The following KLHL13 variants were observed in gnomAD, a reference collection of about 807,000 sequenced individuals.
KLHL13 encodes kelch like family member 13.
In KLHL13, 10 loss-of-function variants were observed where a neutral mutation model predicts 37.1. The observed-to-expected ratio is 0.27, with a 90% CI of 0.17 to 0.46. The LOEUF is 0.46. KLHL13 is among the 20% of genes least tolerant of loss of function. The pLI is 1.00. For synonymous variants in KLHL13, 163 were observed against 181.2 expected (o/e 0.90, Z 0.81); for missense variants, 360 against 509.3 (o/e 0.71, Z 2.82).
chrX:117,963,963 A>G lies in KLHL13; in HGVS notation c.98+8768T>C, dbSNP rs770057263. On this transcript the variant is annotated intron_variant, in intron 1 of 6. Coordinates refer to ENST00000262820, the Ensembl canonical transcript of KLHL13. ...AAGAACAAAAAACCAAACACCGCAT[A>G]TTCTCACTCATAGGTGGGAATTGAA... 3.3e-3 allele frequency among the ~76,000 whole-genome samples: 263 copies of G among 80,897 alleles called. 2 individuals carry two copies. The highest frequency in any genetic ancestry group is 0.011 in the African/African-American group (236 of 20,952). The allele number at this position is 80,897 out of a possible 115,157, so 70.2% of individuals were successfully genotyped here.
intron 2 of KLHL13, among the ~76,000 whole-genome samples, chrX:117,932,838 T>G (rs192328997): frequency 8.9e-6 from 1 of 111,859 alleles, no homozygotes; most frequent in East Asian, 2.8e-4. Flanking sequence ...CAACAGTATT[T>G]AAGAGTTCCC....
intron 1 of KLHL13, among the ~76,000 whole-genome samples, chrX:117,982,421 A>C (rs945314842): frequency 4.5e-5 from 5 of 111,372 alleles, no homozygotes; most frequent in Non-Finnish European, 9.4e-5. Flanking sequence ...GACATGCTTC[A>C]GATGTACATC....
intron 1 of KLHL13, among the ~76,000 whole-genome samples, chrX:118,058,550 A>T (rs1602691033): frequency 8.9e-6 from 1 of 112,088 alleles, no homozygotes; most frequent in East Asian, 2.8e-4. Flanking sequence ...TGGGTCAATA[A>T]CTATAGCTCA....
At chrX:118,007,649 T>C (rs1219765479) in intron 1 of KLHL13, among the ~76,000 whole-genome samples, 1 of 111,534 alleles carries the variant, frequency 9.0e-6, no homozygotes, top group Non-Finnish European at 1.9e-5. Flanking sequence ...CATATCTATA[T>C]CAGCTATGTC....
At chrX:117,997,835 C>T in intron 1 of KLHL13, among the ~76,000 whole-genome samples, 1 of 111,302 alleles carries the variant, frequency 9.0e-6, no homozygotes, top group Non-Finnish European at 1.9e-5. Context: ...TGTAAGTACC[C>T]CTGAAGGCAC....
intron 1 of KLHL13, chrX:117,985,366 C>G: frequency 9.5e-7 from 1 of 1,048,032 alleles, no homozygotes; most frequent in Non-Finnish European, 1.2e-6. Context: ...GGCTCTGCTA[C>G]ATAGTAGCGC....
chrX:118,095,168 T>C (rs1401386724), intron 1 of KLHL13, among the ~76,000 whole-genome samples: 42 of 110,749 alleles, frequency 3.8e-4, no homozygotes, highest in Non-Finnish European at 7.0e-4. Context: ...GAGACACACA[T>C]AGGCTCAAAA....
At chrX:118,087,592 A>G (rs748937699) in intron 1 of KLHL13, among the ~76,000 whole-genome samples, 10 of 111,464 alleles carry the variant, frequency 9.0e-5, no homozygotes, top group African/African-American at 9.8e-5. Flanking sequence ...GAGTCTGGAA[A>G]TAAGATTTCT....
At chrX:118,112,126 C>T (rs998543962) in intron 1 of KLHL13, among the ~76,000 whole-genome samples, 4 of 112,109 alleles carry the variant, frequency 3.6e-5, no homozygotes, top group African/African-American at 1.3e-4. Context: ...AACAAGTATG[C>T]TCTACAACCT....
intron 1 of KLHL13, among the ~76,000 whole-genome samples, chrX:117,993,657 G>A (rs993976487): frequency 9.0e-6 from 1 of 110,572 alleles, no homozygotes; most frequent in Non-Finnish European, 1.9e-5. Context: ...GAAGCCCAGA[G>A]GACTTCCAAG....
chrX:117,920,577 T>TA (rs1199241332), intron 2 of KLHL13, among the ~76,000 whole-genome samples: 30 of 112,330 alleles, frequency 2.7e-4, no homozygotes, highest in African/African-American at 9.0e-4. Context: ...AACACAAAAT[T>TA]AAGACTAATT....
chrX:117,987,329 T>C (rs2053739711), intron 1 of KLHL13, among the ~76,000 whole-genome samples: 1 of 111,553 alleles, frequency 9.0e-6, no homozygotes, highest in African/African-American at 3.3e-5. Context: ...TGGGTGAGTG[T>C]AGGTGCTTGG....
At position 117,989,630 on chromosome X, in the gene KLHL13, G is replaced by C. The variant is rs143137986; in HGVS notation, c.-55-44055C>G. On this transcript the variant is annotated intron_variant, in intron 1 of 6. Coordinates refer to the KLHL13 transcript ENST00000371882. ...ATCTTCCCAATGCCAATTCCACAGAGTTCTCTTTCATCTAGTAATTAGCAA... is the reference window on the plus strand; with the variant it reads ...ATCTTCCCAATGCCAATTCCACAGACTTCTCTTTCATCTAGTAATTAGCAA... Among the ~76,000 whole-genome samples the C allele has an allele frequency of 1.5e-3, 163 of 110,888 alleles. 2 individuals carry two copies. The highest frequency in any genetic ancestry group is 5.2e-3 in the African/African-American group (158 of 30,561).
intron 1 of KLHL13, among the ~76,000 whole-genome samples, chrX:117,969,453 T>C (rs1458588297): frequency 5.4e-5 from 6 of 111,936 alleles, no homozygotes; most frequent in Middle Eastern, 4.2e-3. Context: ...GTAATTTATA[T>C]GGTTTGCACC....
At chrX:118,019,986 G>A (rs1286306237) in intron 1 of KLHL13, among the ~76,000 whole-genome samples, 3 of 108,260 alleles carry the variant, frequency 2.8e-5, no homozygotes, top group African/African-American at 6.8e-5. Context: ...GCTCTTTTTT[G>A]GTTCCATATG....
chrX:117,997,711 A>G (rs1220413877), intron 1 of KLHL13, among the ~76,000 whole-genome samples: 1 of 111,554 alleles, frequency 9.0e-6, no homozygotes, highest in Non-Finnish European at 1.9e-5. Flanking sequence ...TCAGACCACA[A>G]TTAAATTCTA....
At chrX:118,022,547 A>G (rs1057247981) in intron 1 of KLHL13, among the ~76,000 whole-genome samples, 4 of 111,959 alleles carry the variant, frequency 3.6e-5, no homozygotes, top group Non-Finnish European at 7.5e-5. Context: ...GTGCAAGGTG[A>G]TATCTCATCG....
chrX:117,906,228 G>T (rs1186489266), intron 5 of KLHL13, among the ~76,000 whole-genome samples: 29 of 111,571 alleles, frequency 2.6e-4, no homozygotes, highest in Non-Finnish European at 1.3e-4. Context: ...TCAGTTTCTG[G>T]CAGGAACATT....
At chrX:118,021,945 G>GT (rs1251226612) in intron 1 of KLHL13, among the ~76,000 whole-genome samples, 1 of 111,859 alleles carries the variant, frequency 8.9e-6, no homozygotes, top group Non-Finnish European at 1.9e-5. Flanking sequence ...GCGTGAGATG[G>GT]TATCTCATTG....
Sources: gnomAD v4.1 joint callset for allele counts (sites outside exome capture counted in the v4.1 genomes callset) on GRCh38, gnomAD v4.1.1 for gene constraint, MANE v1.5 for transcripts, NCBI Gene and HGNC (gene_info 2026-07-23, HGNC 2026-07-21) for gene names.